Variants in ZC3H4 observed in about 807,000 individuals in gnomAD.
ZC3H4 encodes zinc finger CCCH domain-containing protein 4.
ZC3H4 carries 13 observed loss-of-function variants against 108.3 expected under a neutral mutation model. The observed-to-expected ratio is 0.12, with a 90% confidence interval of 0.08 to 0.19. ZC3H4 has a LOEUF of 0.19. ZC3H4 is among the 10% of genes least tolerant of loss of function. The pLI, the probability that ZC3H4 is intolerant of heterozygous loss-of-function variation, is 1.00. For missense variants in ZC3H4, 1,734 were observed against 1,838.8 expected, an observed-to-expected ratio of 0.94 and a Z score of 1.04; for synonymous variants, 917 against 749.6, an observed-to-expected ratio of 1.22 and a Z score of -3.65.
At chr19:47,082,150 C>T in intron 10 of ZC3H4, 34 bp downstream of exon 10, 1 of 1,561,760 alleles carries the variant, frequency 6.4e-7, no homozygotes, top group Non-Finnish European at 8.8e-7. Flanking sequence ...GTTCTGCGCC[C>T]TCATTCAGAC....
intron 13 of ZC3H4, among the ~76,000 whole-genome samples, chr19:47,070,753 C>G (rs2057311383): frequency 6.6e-6 from 1 of 152,214 alleles, no homozygotes; most frequent in African/African-American, 2.4e-5. Context: ...ACCACCCCCT[C>G]AAAATTTCCA....
At position 47,090,156 on chromosome 19, in the gene ZC3H4, G is replaced by T. The variant is rs1178711091; in HGVS notation, c.526C>A (p.Pro176Thr). Residue 176 changes from proline (P) to threonine (T), a missense_variant, in exon 5 of 15, where the codon CCC becomes ACC. By Grantham distance (38) the Pro-to-Thr change is conservative. Around this residue, in one of 9 missense-constraint regions of ZC3H4, gnomAD observed 403 missense variants for 457.0 expected, o/e 0.88. Transcript: ENST00000253048. ...HQQYPPSHAT[P>T]LPKKAYSKMD... ...TTGGAGTATGCCTTCTTGGGCAGGG[G>T]CGTGGCATGCGATGGGGGGTACTGC... The T allele has an allele frequency of 6.2e-7, 1 of 1,614,208 alleles. No homozygotes were observed. The highest frequency in any genetic ancestry group is 1.6e-4 in the Middle Eastern group (1 of 6,062).
intron 9 of ZC3H4, among the ~76,000 whole-genome samples, chr19:47,082,514 T>C (rs981282150): frequency 6.6e-6 from 1 of 152,194 alleles, no homozygotes; most frequent in African/African-American, 2.4e-5. Flanking sequence ...GGTCTCACTA[T>C]GTTGCCCAGG....
At chr19:47,077,188 A>T (rs539606170) in intron 11 of ZC3H4, among the ~76,000 whole-genome samples, 1 of 151,178 alleles carries the variant, frequency 6.6e-6, no homozygotes, top group Non-Finnish European at 1.5e-5. Context: ...ACAGAACTAT[A>T]TATCAGGTGC....
chr19:47,082,732 GA>G (rs2057546281), intron 9 of ZC3H4, among the ~76,000 whole-genome samples: 1 of 152,240 alleles, frequency 6.6e-6, no homozygotes, highest in Non-Finnish European at 1.5e-5. Context: ...TATGTTTAAA[GA>G]TGGCAGAATA....
intron 2 of ZC3H4, among the ~76,000 whole-genome samples, chr19:47,104,118 A>T (rs2057939339): frequency 6.6e-6 from 1 of 152,154 alleles, no homozygotes; most frequent in Non-Finnish European, 1.5e-5. Flanking sequence ...CAGTAGTTCA[A>T]GACCAGCCTG....
At position 47,085,519 on chromosome 19, in the gene ZC3H4, G is replaced by A. The variant is rs560975822; in HGVS notation, c.871-105C>T. The A allele has an allele frequency of 2.5e-4, 262 of 1,030,344 alleles. 1 individual carries two copies. The highest frequency in any genetic ancestry group is 2.2e-3 in the African/African-American group (138 of 62,300). 63.8% of individuals were successfully genotyped at this position (1,030,344 alleles called of 1,614,324 possible). A position where few individuals can be genotyped will look rare whatever the true frequency, so the allele number is the denominator to read the frequency against. Reference sequence around the variant, plus strand: ...TTTGAAGGATGGTGACCATCCAGGGGACTCATACCATAACCCGTTTCCACA... The same window carrying A: ...TTTGAAGGATGGTGACCATCCAGGGAACTCATACCATAACCCGTTTCCACA... On this transcript the variant is annotated intron_variant, in intron 6 of 14. Coordinates refer to ENST00000253048, the MANE Select transcript of ZC3H4 (RefSeq NM_015168.2).
intron 11 of ZC3H4, among the ~76,000 whole-genome samples, chr19:47,074,577 C>G (rs1483123895): frequency 6.6e-6 from 1 of 152,244 alleles, no homozygotes; most frequent in Non-Finnish European, 1.5e-5. Context: ...TTTGGGAGGG[C>G]TCCCAGCATT....
In ZC3H4 at chr19:47,067,281, G is replaced by A. The variant is rs1463245028; in HGVS notation, c.2987C>T (p.Pro996Leu). 1.3e-6 allele frequency: 2 copies of A among 1,589,444 alleles called. No individual in the cohort carries two copies. The highest frequency in any genetic ancestry group is 1.1e-5 in the South Asian group (1 of 87,526). The change falls in exon 15 of 15, where the codon CCC becomes CTC. Residue 996 changes from proline to leucine, a missense_variant. Pro to Leu is a moderately conservative substitution (Grantham distance 98). Around this residue, in one of 9 missense-constraint regions of ZC3H4, gnomAD observed 518 missense variants for 499.6 expected, o/e 1.04. Transcript: ENST00000253048. This position sits in a 1 kb window ranked among gnomAD's most constrained non-coding sequence, Gnocchi z 6.4. ...GGATTGCAGGGCCGCGGGCACGGGG[G>A]GCACTGCGTCCTGCTTGGGGATGGG... ...PLPIPKQDAV[P>L]PVPAALQSMP...
intron 7 of ZC3H4, 39 bp from the exon 8 acceptor site, chr19:47,085,234 C>CCCCA: frequency 1.9e-6 from 3 of 1,576,374 alleles, no homozygotes; most frequent in Non-Finnish European, 2.6e-6. Context: ...GCTGACCACC[C>CCCCA]CCTCCCCCAC....
chr19:47,096,410 G>A (rs1362428547), intron 2 of ZC3H4, among the ~76,000 whole-genome samples: 1 of 152,240 alleles, frequency 6.6e-6, no homozygotes, highest in Non-Finnish European at 1.5e-5. Flanking sequence ...GAAACCAGGC[G>A]TGGAGCAAAG....
chr19:47,080,961 C>T lies in ZC3H4; in HGVS notation c.1440+552G>A, dbSNP rs77119694. 6.9e-3 allele frequency among the ~76,000 whole-genome samples: 1,049 copies of T among 152,068 alleles called. 10 individuals are homozygous for T. The highest frequency in any genetic ancestry group is 0.019 in the African/African-American group (807 of 41,480). On this transcript the variant is annotated intron_variant, in intron 11 of 14. Coordinates refer to ENST00000253048, the MANE Select transcript of ZC3H4 (RefSeq NM_015168.2). Reference sequence around the variant, plus strand: ...TTTTTTGTATTTTTTTTTTAAGAGACGGGGTTTTGCCATGTTGCCCTAAGT... The same window carrying T: ...TTTTTTGTATTTTTTTTTTAAGAGATGGGGTTTTGCCATGTTGCCCTAAGT...
chr19:47,084,882 G>C (rs897834422), intron 8 of ZC3H4, among the ~76,000 whole-genome samples, 174 bp downstream of exon 8: 1 of 152,210 alleles, frequency 6.6e-6, no homozygotes, highest in African/African-American at 2.4e-5. Flanking sequence ...CAGCAGCAGC[G>C]CATCTCCCCA....
chr19:47,112,661 T>C, intron 1 of ZC3H4, 72 bp from the exon 2 acceptor site: 1 of 1,044,022 alleles, frequency 9.6e-7, no homozygotes, highest in African/African-American at 1.6e-5. Flanking sequence ...ACACTTAAGC[T>C]CGGAGGGCTC....
chr19:47,112,456 G>T lies in ZC3H4; in HGVS notation c.129C>A (p.Leu43=). ...CAGGGAGCGGGAGGCGGTGGTGGAGGAGGTGCGGGGTGGCCGGGCGGGCGT... is the reference window on the plus strand; with the variant it reads ...CAGGGAGCGGGAGGCGGTGGTGGAGTAGGTGCGGGGTGGCCGGGCGGGCGT... ...SPDARPATPH[L]LHHRLPLPDD... The change falls in exon 2 of 15, where the codon CTC becomes CTA. Residue 43 remains leucine, a synonymous_variant. Coordinates refer to ENST00000253048, the MANE Select transcript of ZC3H4 (RefSeq NM_015168.2). 1 of 1,231,716 alleles carries T rather than the reference G, an allele frequency of 8.1e-7. No individual in the cohort carries two copies. The highest frequency in any genetic ancestry group is 1.0e-6 in the Non-Finnish European group (1 of 981,706). 76.3% of individuals were successfully genotyped at this position (1,231,716 alleles called of 1,614,324 possible). A position where few individuals can be genotyped will look rare whatever the true frequency, so the allele number is the denominator to read the frequency against.
At chr19:47,069,050 C>T (rs114893173) in intron 14 of ZC3H4, 42 bp downstream of exon 14, 118 of 1,600,364 alleles carry the variant, frequency 7.4e-5, no homozygotes, top group Admixed American at 1.5e-4. Flanking sequence ...CCCTGCACAG[C>T]GGCCTGGGGC....
At chr19:47,085,738 G>A (rs1169652908) in intron 6 of ZC3H4, among the ~76,000 whole-genome samples, 2 of 152,188 alleles carry the variant, frequency 1.3e-5, no homozygotes, top group Non-Finnish European at 2.9e-5. Flanking sequence ...CAGTGCACCT[G>A]CCGCTCCTCC....
At chr19:47,087,250 T>A (rs1377316123) in intron 5 of ZC3H4, among the ~76,000 whole-genome samples, 1 of 150,854 alleles carries the variant, frequency 6.6e-6, no homozygotes, top group Non-Finnish European at 1.5e-5. Flanking sequence ...CACTCCAGCT[T>A]GGGCAACAGA....
At chr19:47,090,676 G>A (rs1600077578) in intron 4 of ZC3H4, among the ~76,000 whole-genome samples, 2 of 152,154 alleles carry the variant, frequency 1.3e-5, no homozygotes, top group South Asian at 4.1e-4. Context: ...TCATAAAAAC[G>A]GAAGCAACCA....
Sources: allele counts gnomAD v4.1 joint callset (sites outside exome capture counted in the v4.1 genomes callset), GRCh38; gene constraint gnomAD v4.1.1; regional missense constraint gnomAD v4.1.1; non-coding constraint Gnocchi (gnomAD v3.1); transcripts MANE v1.5; gene names NCBI Gene and HGNC (gene_info 2026-07-23, HGNC 2026-07-21).